Variants in CNTNAP5 observed in about 807,000 individuals in gnomAD.
CNTNAP5 encodes the protein contactin-associated protein-like 5.
In CNTNAP5, 72 loss-of-function variants were observed where a neutral mutation model predicts 150.2. That is an observed-to-expected ratio of 0.48 (90% CI 0.40 to 0.58). The LOEUF is 0.58. CNTNAP5 is among the 20% of genes least tolerant of loss of function. The probability of loss-of-function intolerance (pLI) is 0.00; values close to 1 mark genes in which losing one functional copy is unlikely to be tolerated. For missense variants in CNTNAP5, 1,636 were observed against 1,626.2 expected (o/e 1.01, Z -0.10); for synonymous variants, 672 against 619.8 (o/e 1.08, Z -1.25).
intron 1 of CNTNAP5, among the ~76,000 whole-genome samples, chr2:124,033,604 C>G (rs748742432): frequency 6.6e-6 from 1 of 152,206 alleles, no homozygotes; most frequent in Non-Finnish European, 1.5e-5. Flanking sequence ...TCCAGTGCTG[C>G]CTTGCTAAAC....
chr2:124,435,454 C>G (rs538325674), intron 5 of CNTNAP5, among the ~76,000 whole-genome samples: 1 of 151,214 alleles, frequency 6.6e-6, no homozygotes, highest in East Asian at 1.9e-4. Flanking sequence ...GCACAGTTCC[C>G]AAGGATGCAA....
intron 16 of CNTNAP5, among the ~76,000 whole-genome samples, chr2:124,770,890 T>G (rs1681175184): frequency 6.6e-6 from 1 of 152,204 alleles, no homozygotes; most frequent in Non-Finnish European, 1.5e-5. Context: ...TTAAGTATTG[T>G]TTTTATTCCC....
At chr2:124,754,906 A>T (rs1362063931) in intron 14 of CNTNAP5, among the ~76,000 whole-genome samples, 1 of 152,074 alleles carries the variant, frequency 6.6e-6, no homozygotes, top group Admixed American at 6.6e-5. Flanking sequence ...TGGAAAGAAT[A>T]AAAAGGCATT....
intron 1 of CNTNAP5, among the ~76,000 whole-genome samples, chr2:124,116,011 C>G (rs1203269472): frequency 1.3e-5 from 2 of 152,148 alleles, no homozygotes; most frequent in African/African-American, 4.8e-5. Flanking sequence ...AACGCTCAGT[C>G]AATGTTAATT....
chr2:124,708,127 C>A (rs1408104727), intron 13 of CNTNAP5, among the ~76,000 whole-genome samples: 1 of 152,140 alleles, frequency 6.6e-6, no homozygotes, highest in Non-Finnish European at 1.5e-5. Context: ...GCTAAAAACT[C>A]AAGTGAACTT....
At chr2:124,510,518 T>TATATATAC (rs10641959) in intron 8 of CNTNAP5, among the ~76,000 whole-genome samples, 5 of 124,916 alleles carry the variant, frequency 4.0e-5, no homozygotes, top group Non-Finnish European at 8.1e-5. Context: ...TATATATATA[T>TATATATAC]ACATATATCT....
intron 2 of CNTNAP5, among the ~76,000 whole-genome samples, chr2:124,231,129 G>C (rs1007465961): frequency 2.0e-5 from 3 of 152,112 alleles, no homozygotes; most frequent in Non-Finnish European, 2.9e-5. Context: ...ATTAACAGCT[G>C]GTGCTTCTGC....
chr2:124,668,139 G>T (rs1156621627), intron 13 of CNTNAP5, among the ~76,000 whole-genome samples: 2 of 152,180 alleles, frequency 1.3e-5, no homozygotes, highest in East Asian at 3.9e-4. Flanking sequence ...TCTGGTATCA[G>T]GCTCTCTTGG....
chr2:124,225,182 A>G (rs1035794540), intron 2 of CNTNAP5, among the ~76,000 whole-genome samples: 3 of 152,070 alleles, frequency 2.0e-5, no homozygotes, highest in Admixed American at 1.3e-4. Flanking sequence ...TAAAAATTAT[A>G]ACACCACTAT....
At chr2:124,781,362 A>G (rs1026894366) in intron 17 of CNTNAP5, among the ~76,000 whole-genome samples, 1 of 152,190 alleles carries the variant, frequency 6.6e-6, no homozygotes, top group African/African-American at 2.4e-5. Context: ...ATGCGGAGGC[A>G]GGCCCCAGGC....
intron 1 of CNTNAP5, among the ~76,000 whole-genome samples, chr2:124,038,653 T>A (rs1317454092): frequency 6.6e-6 from 1 of 152,210 alleles, no homozygotes; most frequent in African/African-American, 2.4e-5. Flanking sequence ...TACATATGAT[T>A]TTAATATGTA....
chr2:124,637,895 C>T (rs1159555549), intron 12 of CNTNAP5, among the ~76,000 whole-genome samples: 2 of 151,756 alleles, frequency 1.3e-5, no homozygotes, highest in African/African-American at 4.8e-5. Context: ...GAAAGATATT[C>T]TCAATGTCAA....
At chr2:124,067,303 T>C (rs1298888072) in intron 1 of CNTNAP5, among the ~76,000 whole-genome samples, 1 of 152,168 alleles carries the variant, frequency 6.6e-6, no homozygotes, top group African/African-American at 2.4e-5. Flanking sequence ...TGGGTCAGAA[T>C]CAGGGTGTTG....
intron 10 of CNTNAP5, among the ~76,000 whole-genome samples, chr2:124,532,559 A>G (rs955589028): frequency 2.0e-5 from 3 of 152,152 alleles, no homozygotes; most frequent in African/African-American, 7.2e-5. Context: ...ACCAGGAGGG[A>G]AAAACAGGGA....
chr2:124,536,503 C>A (rs1003519106), intron 10 of CNTNAP5, among the ~76,000 whole-genome samples: 1 of 152,088 alleles, frequency 6.6e-6, no homozygotes, highest in Non-Finnish European at 1.5e-5. Flanking sequence ...AGAACCACCA[C>A]GTTGTTCGGT....
intron 6 of CNTNAP5, among the ~76,000 whole-genome samples, chr2:124,453,130 A>G (rs1398583968): frequency 2.0e-5 from 3 of 152,108 alleles, no homozygotes; most frequent in African/African-American, 7.2e-5. Context: ...TAAAAAAAAA[A>G]TCATGCAAGA....
At chr2:124,419,156 A>AAAAAAAAAAAAAAAAAAAAAAAAAAAAG in intron 4 of CNTNAP5, among the ~76,000 whole-genome samples, 1 of 146,352 alleles carries the variant, frequency 6.8e-6, no homozygotes, top group Non-Finnish European at 1.5e-5. Flanking sequence ...AAAAAAAAAA[A>AAAAAAAAAAAAAAAAAAAAAAAAAAAAG]AAAAAAACAG....
At chr2:124,336,436 C>CAT (rs1338460371) in intron 3 of CNTNAP5, among the ~76,000 whole-genome samples, 1 of 151,530 alleles carries the variant, frequency 6.6e-6, no homozygotes, top group Non-Finnish European at 1.5e-5. Context: ...AGGTTTGTTA[C>CAT]ATATATATAC....
intron 19 of CNTNAP5, among the ~76,000 whole-genome samples, chr2:124,844,427 A>G (rs1463613385): frequency 2.0e-5 from 3 of 151,962 alleles, no homozygotes; most frequent in Non-Finnish European, 4.4e-5. Context: ...TAATAGTATA[A>G]TTTTAAGTCA....
Sources: gnomAD v4.1 joint callset for allele counts (sites outside exome capture counted in the v4.1 genomes callset) on GRCh38, gnomAD v4.1.1 for gene constraint, MANE v1.5 for transcripts, NCBI Gene and HGNC (gene_info 2026-07-23, HGNC 2026-07-21) for gene names.